Variants in NRG3 observed in about 807,000 individuals in gnomAD.
NRG3 encodes pro-neuregulin-3, membrane-bound isoform.
In NRG3, 31 loss-of-function variants were observed where a neutral mutation model predicts 66.9. The observed-to-expected ratio is 0.46, with a 90% confidence interval of 0.35 to 0.63. NRG3 has a LOEUF of 0.63. NRG3 is among the 20% of genes least tolerant of loss of function. NRG3 has a pLI of 0.00. For synonymous variants in NRG3, 393 were observed against 359.4 expected, an observed-to-expected ratio of 1.09 and a Z score of -1.06; for missense variants, 910 against 878.9, an observed-to-expected ratio of 1.04 and a Z score of -0.45.
At chr10:82,731,463 C>T (rs1465160538) in intron 2 of NRG3, among the ~76,000 whole-genome samples, 1 of 151,782 alleles carries the variant, frequency 6.6e-6, no homozygotes, top group African/African-American at 2.4e-5. Context: ...CCATTCTACT[C>T]TCTGCTTCAG....
chr10:82,598,980 G>A (rs1028839749), intron 2 of NRG3, among the ~76,000 whole-genome samples: 3 of 152,032 alleles, frequency 2.0e-5, no homozygotes, highest in Admixed American at 6.6e-5. Flanking sequence ...AACACAGGAG[G>A]TGGAGGTTGC....
intron 1 of NRG3, among the ~76,000 whole-genome samples, chr10:82,098,054 T>TACACACACACAC (rs61481796): frequency 2.7e-5 from 4 of 146,712 alleles, no homozygotes; most frequent in East Asian, 4.0e-4. Flanking sequence ...GCCACATATA[T>TACACACACACAC]ACACACACAC....
At chr10:82,168,614 T>C (rs989955807) in intron 1 of NRG3, among the ~76,000 whole-genome samples, 4 of 152,156 alleles carry the variant, frequency 2.6e-5, no homozygotes, top group African/African-American at 7.2e-5. Context: ...GTGAATGATA[T>C]ACCTCAGTCC....
intron 2 of NRG3, among the ~76,000 whole-genome samples, chr10:82,503,443 C>T (rs1844386508): frequency 6.6e-6 from 1 of 152,104 alleles, no homozygotes; most frequent in African/African-American, 2.4e-5. Flanking sequence ...GTTTTACCTC[C>T]ACTTGGTAAG....
chr10:82,334,026 T>A (rs560935213), intron 1 of NRG3, among the ~76,000 whole-genome samples: 24 of 149,002 alleles, frequency 1.6e-4, no homozygotes, highest in South Asian at 1.3e-3. Context: ...AATAATTAGC[T>A]GGGCCTGGTG....
intron 2 of NRG3, among the ~76,000 whole-genome samples, chr10:82,625,646 G>C (rs1216667572): frequency 1.3e-5 from 2 of 152,136 alleles, no homozygotes; most frequent in South Asian, 4.1e-4. Context: ...AAATGGTAGA[G>C]TTCTGAGCCA....
chr10:82,177,287 T>C (rs190549065), intron 1 of NRG3, among the ~76,000 whole-genome samples: 14 of 152,166 alleles, frequency 9.2e-5, no homozygotes, highest in Admixed American at 9.2e-4. Flanking sequence ...AAAAGAAAAA[T>C]CTATTGATCC....
intron 3 of NRG3, among the ~76,000 whole-genome samples, chr10:82,860,703 A>C (rs764045932): frequency 6.6e-6 from 1 of 152,224 alleles, no homozygotes; most frequent in African/African-American, 2.4e-5. Flanking sequence ...TTTACAAATA[A>C]AAATTTTGGA....
chr10:82,700,183 A>G lies in NRG3; in HGVS notation c.954-38394A>G, dbSNP rs1175276149. 2.0e-5 allele frequency among the ~76,000 whole-genome samples: 3 copies of G among 152,192 alleles called. No homozygotes were observed. The East Asian group carries it at 5.8e-4, about 29-fold the overall frequency. On this transcript the variant is annotated intron_variant, in intron 2 of 8. Coordinates refer to ENST00000372141, the MANE Select transcript of NRG3 (RefSeq NM_001010848.4). Reference sequence around the variant, plus strand: ...AAAGTCTTAAGTTAGATCGCACACTAAATATGGATTCATCTAGGTTACATG... The same window carrying G: ...AAAGTCTTAAGTTAGATCGCACACTGAATATGGATTCATCTAGGTTACATG...
At chr10:82,795,028 G>A (rs979242200) in intron 3 of NRG3, among the ~76,000 whole-genome samples, 11 of 152,254 alleles carry the variant, frequency 7.2e-5, no homozygotes, top group African/African-American at 2.6e-4. Flanking sequence ...GAGAAAGAGG[G>A]AATATATAAA....
At chr10:82,559,393 G>A (rs918905367) in intron 2 of NRG3, among the ~76,000 whole-genome samples, 3 of 152,184 alleles carry the variant, frequency 2.0e-5, no homozygotes, top group Admixed American at 2.0e-4. Flanking sequence ...GTCTAGTTCT[G>A]AAAAAGTTTG....
chr10:82,011,403 G>T (rs192187595), intron 1 of NRG3, among the ~76,000 whole-genome samples: 1 of 152,086 alleles, frequency 6.6e-6, no homozygotes, highest in Admixed American at 6.6e-5. Context: ...TGATATTTGG[G>T]TGGGGACACA....
chr10:82,697,669 T>C (rs2055501242), intron 2 of NRG3, among the ~76,000 whole-genome samples: 1 of 152,216 alleles, frequency 6.6e-6, no homozygotes, highest in Non-Finnish European at 1.5e-5. Context: ...ATTGGAATGA[T>C]ATCCTTTTTA....
intron 1 of NRG3, among the ~76,000 whole-genome samples, chr10:82,048,417 A>G (rs985727597): frequency 1.3e-5 from 2 of 152,192 alleles, no homozygotes; most frequent in Non-Finnish European, 2.9e-5. Context: ...CCACAGTGCA[A>G]TCAAACTAGA....
chr10:82,358,950 T>C, intron 2 of NRG3, 82 bp downstream of exon 2: 1 of 1,586,384 alleles, frequency 6.3e-7, no homozygotes, highest in Non-Finnish European at 8.6e-7. Flanking sequence ...ATCTGGTATG[T>C]GTCATATCCG....
chr10:82,171,293 G>C (rs74144188), intron 1 of NRG3, among the ~76,000 whole-genome samples: 2,778 of 152,080 alleles, frequency 0.018, 82 homozygotes, highest in African/African-American at 0.064. Flanking sequence ...CTCCTTACTA[G>C]CAAGGTTTTT....
In NRG3 at chr10:82,430,451, G is replaced by T. The variant is rs192082386; in HGVS notation, c.953+71583G>T. ...TTTTTCTATTTTTAGTAGAGATGGGGTTTCACCATGTTAGCCAGGATGGTC... is the reference window on the plus strand; with the variant it reads ...TTTTTCTATTTTTAGTAGAGATGGGTTTTCACCATGTTAGCCAGGATGGTC... On this transcript the variant is annotated intron_variant, in intron 2 of 8. Coordinates refer to ENST00000372141, the MANE Select transcript of NRG3 (RefSeq NM_001010848.4). Among the ~76,000 whole-genome samples the T allele has an allele frequency of 3.6e-3, 543 of 152,104 alleles. 1 individual carries two copies. Among genetic ancestry groups the T allele is most frequent in the Non-Finnish European group, 6.6e-3 (450 of 67,994 alleles).
chr10:82,706,109 T>TA (rs1370753523), intron 2 of NRG3, among the ~76,000 whole-genome samples: 2 of 152,138 alleles, frequency 1.3e-5, no homozygotes. Flanking sequence ...TTCTTTTTTT[T>TA]ATCAATCTAC....
intron 1 of NRG3, among the ~76,000 whole-genome samples, chr10:81,955,339 C>G (rs899917645): frequency 6.6e-6 from 1 of 151,968 alleles, no homozygotes; most frequent in Non-Finnish European, 1.5e-5. Context: ...AGAACAGGAG[C>G]TGATGTCCCA....
Sources: allele counts gnomAD v4.1 joint callset (sites outside exome capture counted in the v4.1 genomes callset), GRCh38; gene constraint gnomAD v4.1.1; transcripts MANE v1.5; gene names NCBI Gene and HGNC (gene_info 2026-07-23, HGNC 2026-07-21).